RGS7: variants seen among roughly 807,000 people sequenced by gnomAD.
RGS7 encodes regulator of G-protein signaling 7.
In RGS7, 27 loss-of-function variants were observed where a neutral mutation model predicts 81.1. The observed-to-expected ratio is 0.33, with a 90% CI of 0.25 to 0.46. RGS7 has a LOEUF of 0.46. Ranked by LOEUF, RGS7 falls within the 20% of genes least tolerant of loss-of-function variation. RGS7 has a pLI of 1.00. For synonymous variants in RGS7, 208 were observed against 207.7 expected (o/e 1.00, Z -0.01); for missense variants, 396 against 607.4 (o/e 0.65, Z 3.66).
chr1:241,024,924 A>G (rs2059715721), intron 3 of RGS7, among the ~76,000 whole-genome samples: 2 of 152,210 alleles, frequency 1.3e-5, no homozygotes, highest in African/African-American at 4.8e-5. Context: ...ATTTCTATCC[A>G]TTTTAATTTT....
chr1:241,215,649 C>T (rs1375171146), intron 2 of RGS7, among the ~76,000 whole-genome samples: 1 of 152,090 alleles, frequency 6.6e-6, no homozygotes, highest in Non-Finnish European at 1.5e-5. Flanking sequence ...TTTTTTTTGG[C>T]CTCAGTTCTA....
At chr1:241,238,509 A>G (rs2076099275) in intron 2 of RGS7, among the ~76,000 whole-genome samples, 1 of 151,694 alleles carries the variant, frequency 6.6e-6, no homozygotes, top group African/African-American at 2.4e-5. Flanking sequence ...TTTCCTTTGC[A>G]GCAACTTTAC....
chr1:241,220,661 T>A (rs2074838710), intron 2 of RGS7, among the ~76,000 whole-genome samples: 1 of 152,154 alleles, frequency 6.6e-6, no homozygotes, highest in Non-Finnish European at 1.5e-5. Context: ...GCAGGTGGAC[T>A]CTTCCTATAA....
chr1:241,068,238 G>GTGTATATATATATATATATA lies in RGS7; in HGVS notation c.175+30427_175+30428insTATATATATATATATATACA. On this transcript the variant is annotated intron_variant, in intron 3 of 18. Transcript: ENST00000440928. ...CTATCCATAAATTGTGTGTGTGTGT[G>GTGTATATATATATATATATA]TATATATATATATATATATAAAATA... Among the ~76,000 whole-genome samples the GTGTATATATATATATATATA allele has an allele frequency of 7.6e-4, 27 of 35,672 alleles. 1 individual carries two copies. Among genetic ancestry groups the GTGTATATATATATATATATA allele is most frequent in the African/African-American group, 2.3e-3 (24 of 10,518 alleles). The allele number at this position is 35,672 out of a possible 152,430, so 23.4% of individuals were successfully genotyped here. A position where few individuals can be genotyped will look rare whatever the true frequency, so the allele number is the denominator to read the frequency against.
In RGS7 at chr1:241,349,709, G is replaced by T. The variant is rs141676277; in HGVS notation, c.78+5990C>A. On this transcript the variant is annotated intron_variant, in intron 2 of 18. Coordinates refer to ENST00000440928, the MANE Select transcript of RGS7 (RefSeq NM_001364886.1). ...AATTGGGTTGATATTTTGTAGGATA[G>T]AAGCCTGAGTAACCCTGACATCCAT... Among the ~76,000 whole-genome samples the T allele has an allele frequency of 2.9e-3, 440 of 152,318 alleles. 5 individuals are homozygous for T. The highest frequency in any genetic ancestry group is 9.9e-3 in the African/African-American group (413 of 41,574).
rs544220474 is a variant in RGS7 at position 240,924,026 on chromosome 1, G to C, written c.385+6691C>G. On this transcript the variant is annotated intron_variant, in intron 6 of 18. Transcript: ENST00000440928. ...TTTTAAATTAGTTCACCATGTATTTGATCTCTTTAGTTGGTCATAAATCCC... is the reference window on the plus strand; with the variant it reads ...TTTTAAATTAGTTCACCATGTATTTCATCTCTTTAGTTGGTCATAAATCCC... Among the ~76,000 whole-genome samples the C allele has an allele frequency of 2.0e-5, 3 of 151,990 alleles. No individual in the cohort carries two copies. In the East Asian group the frequency reaches 5.8e-4, roughly 29 times the overall value.
intron 9 of RGS7, among the ~76,000 whole-genome samples, chr1:240,859,252 G>A (rs901977446): frequency 2.0e-5 from 3 of 151,880 alleles, no homozygotes; most frequent in South Asian, 2.1e-4. Flanking sequence ...CTCCTGTCTC[G>A]GCCTCCCAAA....
At chr1:240,965,451 A>C (rs1015202910) in intron 4 of RGS7, among the ~76,000 whole-genome samples, 1 of 152,222 alleles carries the variant, frequency 6.6e-6, no homozygotes, top group Non-Finnish European at 1.5e-5. Context: ...CCAACCACAC[A>C]ACATTATTTG....
intron 2 of RGS7, among the ~76,000 whole-genome samples, chr1:241,346,048 AT>A (rs1042221019): frequency 1.2e-4 from 18 of 152,076 alleles, no homozygotes; most frequent in South Asian, 4.2e-4. Context: ...AAATGTTTCT[AT>A]TTTTCAACTT....
chr1:240,933,025 A>T (rs1265602448), intron 5 of RGS7, among the ~76,000 whole-genome samples: 1 of 148,056 alleles, frequency 6.8e-6, no homozygotes, highest in African/African-American at 2.5e-5. Flanking sequence ...CTGGGACTAC[A>T]GGCGCCCGCA....
intron 3 of RGS7, among the ~76,000 whole-genome samples, chr1:241,098,099 CCAAA>C (rs1251707756): frequency 1.1e-4 from 17 of 152,186 alleles, no homozygotes; most frequent in Non-Finnish European, 1.9e-4. Context: ...ATATCCTCTG[CCAAA>C]CATTTTAAAT....
chr1:241,135,351 CG>C (rs910902410), intron 2 of RGS7, among the ~76,000 whole-genome samples: 1 of 152,060 alleles, frequency 6.6e-6, no homozygotes, highest in Non-Finnish European at 1.5e-5. Context: ...GGCGTGAACC[CG>C]GGAGGCGGAG....
chr1:241,032,406 C>T (rs2060124908), intron 3 of RGS7, among the ~76,000 whole-genome samples: 1 of 152,082 alleles, frequency 6.6e-6, no homozygotes, highest in Admixed American at 6.5e-5. Flanking sequence ...AATCAGGTAA[C>T]AGTGATGCCT....
intron 3 of RGS7, among the ~76,000 whole-genome samples, chr1:241,074,075 A>G (rs186172457): frequency 1.3e-5 from 2 of 151,964 alleles, no homozygotes; most frequent in Non-Finnish European, 2.9e-5. Context: ...TAATTTTTGT[A>G]TTTTTAGTAG....
At chr1:240,817,929 C>G (rs1691119552) in intron 10 of RGS7, among the ~76,000 whole-genome samples, 1 of 152,138 alleles carries the variant, frequency 6.6e-6, no homozygotes, top group Admixed American at 6.6e-5. Flanking sequence ...TGCTCTTATC[C>G]TTTCTTTATA....
intron 2 of RGS7, among the ~76,000 whole-genome samples, chr1:241,180,020 ACAG>A (rs1327203278): frequency 6.6e-6 from 1 of 152,184 alleles, no homozygotes; most frequent in Non-Finnish European, 1.5e-5. Flanking sequence ...TATAGAATTG[ACAG>A]CTATTGATGT....
intron 18 of RGS7, among the ~76,000 whole-genome samples, chr1:240,799,782 C>A (rs1400933412): frequency 6.6e-6 from 1 of 152,144 alleles, no homozygotes; most frequent in African/African-American, 2.4e-5. Context: ...GGTCCCAAGA[C>A]ATAGCACATG....
At chr1:240,971,521 G>C (rs1465267605) in intron 4 of RGS7, among the ~76,000 whole-genome samples, 1 of 152,192 alleles carries the variant, frequency 6.6e-6, no homozygotes, top group African/African-American at 2.4e-5. Context: ...CAACTAGGAA[G>C]CTCCAGCTGC....
rs572337607 is a variant in RGS7, at chr1:241,144,798, T to C, written c.79-46036A>G. On this transcript the variant is annotated intron_variant, in intron 2 of 18. Coordinates refer to ENST00000440928, the MANE Select transcript of RGS7 (RefSeq NM_001364886.1). The surrounding 1 kb of genome is among the most constrained non-coding windows in gnomAD (Gnocchi z 4.7). ...TTGGGCAAAGGAACCCTGGAACTCG[T>C]TGAGGTTGCAGGAACATACAGAAGA... Among the ~76,000 whole-genome samples, 45 of 152,300 alleles carry C rather than the reference T, an allele frequency of 3.0e-4. No homozygotes were observed. Among genetic ancestry groups the C allele is most frequent in the African/African-American group, 1.0e-3 (42 of 41,572 alleles).
Sources: gnomAD v4.1 joint callset for allele counts (sites outside exome capture counted in the v4.1 genomes callset) on GRCh38, gnomAD v4.1.1 for gene constraint, Gnocchi (gnomAD v3.1) non-coding constraint, MANE v1.5 for transcripts, NCBI Gene and HGNC (gene_info 2026-07-23, HGNC 2026-07-21) for gene names.